Variants in SEMA6D observed in about 807,000 individuals in gnomAD.
SEMA6D encodes semaphorin-6D.
A neutral mutation model predicts 106.6 loss-of-function variants in SEMA6D; 35 were observed. The ratio of observed to expected loss-of-function variants is 0.33; its 90% confidence interval spans 0.25 to 0.44. The LOEUF (loss-of-function observed/expected upper bound fraction) is 0.44. SEMA6D is among the 20% of genes least tolerant of loss of function. SEMA6D has a pLI of 1.00. For missense variants in SEMA6D, 1,185 were observed against 1,345.9 expected (o/e 0.88, Z 1.87); for synonymous variants, 499 against 487.7 (o/e 1.02, Z -0.31).
chr15:47,372,854 T>C (rs1204802030), intron 1 of SEMA6D, among the ~76,000 whole-genome samples: 1 of 152,192 alleles, frequency 6.6e-6, no homozygotes, highest in Non-Finnish European at 1.5e-5. Context: ...TCGATAATCA[T>C]AGGACTGCCC....
upstream of SEMA6D, among the ~76,000 whole-genome samples, chr15:47,713,596 A>G (rs1033917407): frequency 6.6e-6 from 1 of 152,224 alleles, no homozygotes; most frequent in African/African-American, 2.4e-5. Context: ...AAGGAATACT[A>G]TATGTGCATT....
intron 4 of SEMA6D, among the ~76,000 whole-genome samples, chr15:47,683,332 T>C (rs2145624722): frequency 6.6e-6 from 1 of 152,338 alleles, no homozygotes; most frequent in Middle Eastern, 3.4e-3. Flanking sequence ...GTTTCTGAGT[T>C]ATTTCATTTA....
intron 4 of SEMA6D, among the ~76,000 whole-genome samples, chr15:47,646,249 G>T (rs2077580824): frequency 6.6e-6 from 1 of 152,062 alleles, no homozygotes; most frequent in Non-Finnish European, 1.5e-5. Flanking sequence ...GCATACAAAA[G>T]ATATTCTTAT....
intron 1 of SEMA6D, among the ~76,000 whole-genome samples, chr15:47,384,128 A>T (rs1396749919): frequency 6.6e-6 from 1 of 152,234 alleles, no homozygotes; most frequent in Non-Finnish European, 1.5e-5. Flanking sequence ...CCCACAAATC[A>T]GAATAGGCAA....
At position 47,494,741 on chromosome 15, in the gene SEMA6D, G is replaced by GATAGATAT. The variant is rs1197901780; in HGVS notation, c.-87+24199_-87+24200insGATATATA. 3.2e-3 allele frequency among the ~76,000 whole-genome samples: 107 copies of GATAGATAT among 32,980 alleles called. 7 individuals carry two copies. The highest frequency in any genetic ancestry group is 6.3e-3 in the African/African-American group (96 of 15,152). 21.6% of individuals were successfully genotyped at this position (32,980 alleles called of 152,430 possible). A position where few individuals can be genotyped will look rare whatever the true frequency, so the allele number is the denominator to read the frequency against. ...TTAAAAATCTGGAGAGTGGGATGGA[G>GATAGATAT]ATATATATATATATATATATATATA... On this transcript the variant is annotated intron_variant, in intron 3 of 19. Transcript: ENST00000558014.
rs78418769 is a variant in SEMA6D at position 47,238,763 on chromosome 15, G to A, written c.-239+54345G>A. 6.2e-3 allele frequency among the ~76,000 whole-genome samples: 938 copies of A among 152,254 alleles called. 9 individuals are homozygous for A. Among genetic ancestry groups the A allele is most frequent in the African/African-American group, 0.018 (765 of 41,568 alleles). On this transcript the variant is annotated intron_variant, in intron 1 of 19. Transcript: ENST00000558014. ...TGCTTAGGCTGGGACCAGTGGAAAT[G>A]GGTCTAGAGCCTGCCTCAGAGTGGC...
intron 2 of SEMA6D, among the ~76,000 whole-genome samples, chr15:47,442,201 G>A (rs2041903633): frequency 6.6e-6 from 1 of 151,974 alleles, no homozygotes; most frequent in Admixed American, 6.6e-5. Flanking sequence ...CTTATATGGT[G>A]CACATCAAAT....
chr15:47,448,205 C>T (rs1316677988), intron 2 of SEMA6D, among the ~76,000 whole-genome samples: 1 of 152,090 alleles, frequency 6.6e-6, no homozygotes, highest in Non-Finnish European at 1.5e-5. Flanking sequence ...TACTTACCCC[C>T]AACCCAAATA....
intron 1 of SEMA6D, among the ~76,000 whole-genome samples, chr15:47,295,673 A>G (rs2035775457): frequency 6.6e-6 from 1 of 152,256 alleles, no homozygotes; most frequent in Non-Finnish European, 1.5e-5. Flanking sequence ...TCTTATGGTA[A>G]TGTGAAAACT....
chr15:47,341,708 A>G (rs1298615940), intron 1 of SEMA6D, among the ~76,000 whole-genome samples: 1 of 152,200 alleles, frequency 6.6e-6, no homozygotes, highest in African/African-American at 2.4e-5. Flanking sequence ...CGTGATTCTC[A>G]TACACAGTTT....
intron 3 of SEMA6D, among the ~76,000 whole-genome samples, chr15:47,494,790 A>ATATATATC (rs1596149084): frequency 1.2e-5 from 1 of 82,852 alleles, no homozygotes; most frequent in African/African-American, 4.9e-5. Context: ...ATATATATAT[A>ATATATATC]ATCTCCAGAT....
chr15:47,363,685 A>C (rs1180497212), intron 1 of SEMA6D, among the ~76,000 whole-genome samples: 1 of 152,184 alleles, frequency 6.6e-6, no homozygotes, highest in Admixed American at 6.5e-5. Flanking sequence ...TACAGACAGC[A>C]TACAGTCAGG....
At chr15:47,634,503 G>A (rs2144584665) in intron 4 of SEMA6D, among the ~76,000 whole-genome samples, 1 of 152,282 alleles carries the variant, frequency 6.6e-6, no homozygotes, top group African/African-American at 2.4e-5. Flanking sequence ...GAAGCTGAGT[G>A]TCACCAGTAT....
At chr15:47,483,032 A>C (rs941469487) in intron 3 of SEMA6D, among the ~76,000 whole-genome samples, 5 of 152,176 alleles carry the variant, frequency 3.3e-5, no homozygotes, top group Admixed American at 1.3e-4. Context: ...AACAATGAAC[A>C]AATGATATAA....
At chr15:47,189,768 A>G (rs1893838163) in intron 1 of SEMA6D, among the ~76,000 whole-genome samples, 2 of 152,384 alleles carry the variant, frequency 1.3e-5, no homozygotes, top group South Asian at 4.1e-4. Context: ...CAAACAGACA[A>G]TGATAAATAA....
At chr15:47,761,899 AAAG>A (rs142939807) in intron 7 of SEMA6D, 148 bp downstream of exon 7, 169,278 of 728,004 alleles carry the variant, frequency 0.23, 22,099 homozygotes, top group South Asian at 0.31. Context: ...ATTTCCAAAA[AAAG>A]AAGAAATTAA....
At chr15:47,516,692 C>G (rs1483324973) in intron 3 of SEMA6D, among the ~76,000 whole-genome samples, 1 of 152,066 alleles carries the variant, frequency 6.6e-6, no homozygotes, top group Non-Finnish European at 1.5e-5. Context: ...TCAGCTGCAG[C>G]TGAGTGAGGT....
intron 4 of SEMA6D, among the ~76,000 whole-genome samples, chr15:47,682,875 A>G (rs2078387742): frequency 6.6e-6 from 1 of 152,108 alleles, no homozygotes; most frequent in Non-Finnish European, 1.5e-5. Flanking sequence ...TACCACACAA[A>G]CACCATTTGA....
At chr15:47,407,840 T>C (rs1325945991) in intron 1 of SEMA6D, among the ~76,000 whole-genome samples, 2 of 152,180 alleles carry the variant, frequency 1.3e-5, no homozygotes, top group Non-Finnish European at 2.9e-5. Flanking sequence ...CTCAGATGCT[T>C]GCAGATGCTG....
Sources: allele counts gnomAD v4.1 joint callset (sites outside exome capture counted in the v4.1 genomes callset), GRCh38; gene constraint gnomAD v4.1.1; transcripts MANE v1.5; gene names NCBI Gene and HGNC (gene_info 2026-07-23, HGNC 2026-07-21).